The following GALK1 variants were observed in gnomAD, a reference collection of about 807,000 sequenced individuals.
GALK1 encodes galactokinase.
Under a neutral mutation model 38.6 loss-of-function variants are expected in GALK1, and 30 were observed. That is an observed-to-expected ratio of 0.78 (90% CI 0.58 to 1.05). GALK1 has a LOEUF of 1.05. GALK1 is among the 50% of genes least tolerant of loss of function. The pLI, the probability that GALK1 is intolerant of heterozygous loss-of-function variation, is 0.00. For missense variants in GALK1, 512 were observed against 540.5 expected (o/e 0.95, Z 0.52); for synonymous variants, 240 against 233.6 (o/e 1.03, Z -0.25).
intron 5 of GALK1, among the ~76,000 whole-genome samples, chr17:75,759,598 C>A (rs543718047): frequency 3.3e-5 from 5 of 151,868 alleles, no homozygotes; most frequent in African/African-American, 1.2e-4. Context: ...CTGGAGGAGG[C>A]AGGGTGAGCT....
chr17:75,758,220 C>G lies in GALK1; in HGVS notation c.1097G>C (p.Arg366Pro), dbSNP rs538714933. Reference sequence around the variant, plus strand: ...CTGGTGCCCGCCCACCTGGATGTGCCGCATGGCGTGGGGAGCAGCGGAGGC... The same window carrying G: ...CTGGTGCCCGCCCACCTGGATGTGCGGCATGGCGTGGGGAGCAGCGGAGGC... ...LEASAAPHAM[R>P]HIQEHYGGTA... Residue 366 changes from arginine to proline, a missense_variant, in exon 7 of 8, where the codon CGG becomes CCG. By Grantham distance (103) the Arg-to-Pro change is moderately radical. Transcript: ENST00000588479. 1 of 1,606,010 alleles carries G rather than the reference C, an allele frequency of 6.2e-7. No homozygotes were observed. Among genetic ancestry groups the G allele is most frequent in the Non-Finnish European group, 8.5e-7 (1 of 1,177,214 alleles).
At chr17:75,756,555 G>A (rs1210671448), downstream of GALK1, 7 of 1,613,066 alleles carry the variant, frequency 4.3e-6, no homozygotes, top group East Asian at 2.2e-5. Flanking sequence ...GGCCGAGAGC[G>A]TGAGGGTGTC....
At chr17:75,754,476 C>G (rs2061440017), downstream of GALK1, 8 of 1,513,524 alleles carry the variant, frequency 5.3e-6, no homozygotes, top group Non-Finnish European at 7.3e-6. Flanking sequence ...GCAAAAGCCA[C>G]CCAGAGGGTG....
chr17:75,763,981 G>C lies in GALK1; in HGVS notation c.271C>G (p.Pro91Ala), dbSNP rs1381319965. 5.0e-6 allele frequency: 8 copies of C among 1,612,672 alleles called. No homozygotes were observed. Among genetic ancestry groups the C allele is most frequent in the Non-Finnish European group, 6.8e-6 (8 of 1,179,812 alleles). Residue 91 changes from proline to alanine, a missense_variant, in exon 2 of 8, where the codon CCA becomes GCA. By Grantham distance (27) the Pro-to-Ala change is conservative. Transcript: ENST00000588479. ...GADEPQRLQF[P>A]LPTAQRSLEP... is the part of the protein sequence containing the mutation. ...AGCGAGCGCTGGGCTGTGGGCAGTG[G>C]AAACTGCAGCCGCTGGGGCTCATCG...
chr17:75,756,988 G>C (rs536280262), downstream of GALK1: 6 of 1,612,830 alleles, frequency 3.7e-6, no homozygotes, highest in Non-Finnish European at 5.1e-6. Flanking sequence ...CCCGAGAGCC[G>C]GCTGACCGTG....
chr17:75,753,116 C>T (rs2061405624), downstream of GALK1, among the ~76,000 whole-genome samples: 1 of 152,262 alleles, frequency 6.6e-6, no homozygotes, highest in African/African-American at 2.4e-5. Flanking sequence ...CTTTTCTGCT[C>T]TGTATAATGG....
rs758902207 is a variant in GALK1 at position 75,765,180 on chromosome 17, G to A, written c.-44C>T. ...TGCACAGCTGCTCCGGCACAGCCCCGTCGGCGCGGGATGCTCGGGCGGGGC... is the reference window on the plus strand; with the variant it reads ...TGCACAGCTGCTCCGGCACAGCCCCATCGGCGCGGGATGCTCGGGCGGGGC... On this transcript the variant is annotated 5_prime_UTR_variant, in exon 1 of 8. The change creates a new upstream start codon in the 5' untranslated region. Coordinates refer to ENST00000588479, the MANE Select transcript of GALK1 (RefSeq NM_000154.2). 1.7e-5 allele frequency: 24 copies of A among 1,395,544 alleles called. No homozygotes were observed. The highest frequency in any genetic ancestry group is 6.6e-5 in the Admixed American group (2 of 30,256). 86.4% of individuals were successfully genotyped at this position (1,395,544 alleles called of 1,614,324 possible). A position where few individuals can be genotyped will look rare whatever the true frequency, so the allele number is the denominator to read the frequency against.
At chr17:75,755,953 C>T, downstream of GALK1, 2 of 1,392,088 alleles carry the variant, frequency 1.4e-6, no homozygotes, top group Non-Finnish European at 2.0e-6. Context: ...CACCCAAGTC[C>T]CTTGAGCGCT....
intron 5 of GALK1, among the ~76,000 whole-genome samples, chr17:75,761,718 TAAA>T (rs55872846): frequency 3.8e-5 from 5 of 132,426 alleles, no homozygotes; most frequent in Non-Finnish European, 3.3e-5. Context: ...ATGTTTAGTT[TAAA>T]AAAAAAAAAA....
chr17:75,758,035 G>A lies in GALK1; in HGVS notation c.*21C>T, dbSNP rs527987307. 127 of 1,612,054 alleles carry A rather than the reference G, an allele frequency of 7.9e-5. No homozygotes were observed. Among genetic ancestry groups the A allele is most frequent in the Admixed American group, 2.0e-4 (12 of 59,984 alleles). ...GGCCTGCAGGCCCCGCACCCTCACC[G>A]TGTGCTGTCCTGGGGGTGCCTCACA... is the stretch of plus-strand genomic sequence containing the variant. On this transcript the variant is annotated 3_prime_UTR_variant, in exon 8 of 8. Transcript: ENST00000588479.
downstream of GALK1, among the ~76,000 whole-genome samples, chr17:75,753,380 G>C (rs2061412406): frequency 6.6e-6 from 1 of 152,176 alleles, no homozygotes; most frequent in African/African-American, 2.4e-5. Flanking sequence ...CGGTCCCTGG[G>C]AGGCGGGCAG....
At chr17:75,762,284 T>C (rs1351634448) in intron 5 of GALK1, among the ~76,000 whole-genome samples, 1 of 144,862 alleles carries the variant, frequency 6.9e-6, no homozygotes, top group Non-Finnish European at 1.5e-5. Context: ...ACCACTACAC[T>C]CCAGCTTGGG....
chr17:75,754,906 G>A (rs984762063), downstream of GALK1: 18 of 1,581,226 alleles, frequency 1.1e-5, no homozygotes, highest in Middle Eastern at 1.7e-4. Flanking sequence ...TGTCCCCACC[G>A]CCCATTCTCC....
downstream of GALK1, chr17:75,757,431 G>A (rs1198862948): frequency 6.2e-7 from 1 of 1,613,214 alleles, no homozygotes; most frequent in East Asian, 2.2e-5. Context: ...CTGACCCTGG[G>A]GGCCCAGCAC....
At chr17:75,760,678 A>G (rs2061583638) in intron 5 of GALK1, among the ~76,000 whole-genome samples, 1 of 151,998 alleles carries the variant, frequency 6.6e-6, no homozygotes. Context: ...CCAGAGGCTG[A>G]GGCAGGAGAA....
At chr17:75,757,022 C>T, downstream of GALK1, 5 of 1,612,950 alleles carry the variant, frequency 3.1e-6, no homozygotes, top group Non-Finnish European at 3.4e-6. Flanking sequence ...AGAACGTGCC[C>T]TACAAGTTCA....
At chr17:75,754,448 G>A (rs1420103289), downstream of GALK1, 1 of 1,202,162 alleles carries the variant, frequency 8.3e-7, no homozygotes, top group Non-Finnish European at 1.2e-6. Flanking sequence ...TGGTTTGAGG[G>A]AAACTGGTTG....
At chr17:75,757,507 C>T, downstream of GALK1, 1 of 1,613,350 alleles carries the variant, frequency 6.2e-7, no homozygotes, top group Non-Finnish European at 8.5e-7. Flanking sequence ...CACTGACCAC[C>T]AGCGGAACCC....
chr17:75,762,861 T>A lies in GALK1; in HGVS notation c.636A>T (p.Pro212=). 6.2e-7 allele frequency: 1 copy of A among 1,612,984 alleles called. No homozygotes were observed. The highest frequency in any genetic ancestry group is 1.7e-4 in the Middle Eastern group (1 of 6,046). ...GCACGGCCAGCTTGGGGTCCGAGAG[T>A]GGCACCAGGCTGGTCTCCAAGGACC... ...DCRSLETSLV[P]LSDPKLAVLI... The change falls in exon 5 of 8, where the codon CCA becomes CCT. Residue 212 remains proline, a synonymous_variant. Coordinates refer to ENST00000588479, the MANE Select transcript of GALK1 (RefSeq NM_000154.2).
Sources: allele counts gnomAD v4.1 joint callset (sites outside exome capture counted in the v4.1 genomes callset), GRCh38; gene constraint gnomAD v4.1.1; transcripts MANE v1.5; gene names NCBI Gene and HGNC (gene_info 2026-07-23, HGNC 2026-07-21).